DAPK2: variants seen among roughly 807,000 people sequenced by gnomAD.
DAPK2 encodes the protein death-associated protein kinase 2.
Under a neutral mutation model 44.1 loss-of-function variants are expected in DAPK2, and 35 were observed. The ratio of observed to expected loss-of-function variants is 0.79; its 90% CI spans 0.61 to 1.05. The LOEUF (loss-of-function observed/expected upper bound fraction) is 1.05, where lower values mean the gene tolerates loss of function less well. DAPK2 is among the 50% of genes least tolerant of loss of function. The probability of loss-of-function intolerance (pLI) is 0.00; values close to 1 mark genes in which losing one functional copy is unlikely to be tolerated. For missense variants in DAPK2, 453 were observed against 483.2 expected (o/e 0.94, Z 0.59); for synonymous variants, 174 against 182.6 (o/e 0.95, Z 0.38).
intron 1 of DAPK2, among the ~76,000 whole-genome samples, chr15:64,045,451 C>G (rs1486175548): frequency 1.3e-5 from 2 of 152,160 alleles, no homozygotes; most frequent in African/African-American, 4.8e-5. Flanking sequence ...GAGTGGCTGC[C>G]CTCCACAGGA....
At chr15:64,017,064 T>C (rs1315308868) in intron 1 of DAPK2, among the ~76,000 whole-genome samples, 3 of 152,136 alleles carry the variant, frequency 2.0e-5, no homozygotes, top group Admixed American at 6.5e-5. Flanking sequence ...AGATCCACAA[T>C]GTTGGGGCTG....
intron 1 of DAPK2, among the ~76,000 whole-genome samples, chr15:64,008,449 T>C (rs942778294): frequency 2.6e-5 from 4 of 152,170 alleles, no homozygotes; most frequent in Non-Finnish European, 5.9e-5. Context: ...ATTATCTGAG[T>C]CCAGGTGCAT....
intron 1 of DAPK2, among the ~76,000 whole-genome samples, chr15:63,992,794 T>C (rs1175001556): frequency 6.6e-6 from 1 of 152,196 alleles, no homozygotes. Context: ...CTTCCCACCA[T>C]CTGAGTTCCT....
intron 3 of DAPK2, among the ~76,000 whole-genome samples, chr15:63,969,771 A>G (rs1297343730): frequency 2.0e-5 from 3 of 151,914 alleles, no homozygotes; most frequent in Non-Finnish European, 4.4e-5. Flanking sequence ...CAGTGAGCCT[A>G]AGGAAGGAGG....
rs141845841 is a variant in DAPK2 at position 63,940,851 on chromosome 15, T to C, written c.454-1490A>G. 2.2e-3 allele frequency among the ~76,000 whole-genome samples: 332 copies of C among 152,264 alleles called. 10 individuals carry two copies. In the East Asian group the frequency reaches 0.051, roughly 23 times the overall value. The stretch of plus-strand genomic sequence containing the variant: ...GTCATAAAAGACAAAAAATATTCCA[T>C]TGATACAAAATACCCAGCATAGGCA... On this transcript the variant is annotated intron_variant, in intron 3 of 10. Coordinates refer to ENST00000261891, the Ensembl canonical transcript of DAPK2.
chr15:63,982,413 A>T (rs1434541227), intron 2 of DAPK2, among the ~76,000 whole-genome samples: 2 of 151,668 alleles, frequency 1.3e-5, no homozygotes, highest in East Asian at 1.9e-4. Flanking sequence ...CTGGTCTCAA[A>T]CTCCGACCTT....
At chr15:63,948,383 C>G (rs764580531) in intron 3 of DAPK2, among the ~76,000 whole-genome samples, 3 of 147,160 alleles carry the variant, frequency 2.0e-5, no homozygotes, top group Non-Finnish European at 4.5e-5. Context: ...AGCTTACACT[C>G]ATGGCAGAAG....
intron 2 of DAPK2, 145 bp from the exon 4 acceptor site, chr15:63,971,706 G>T (rs2078218605): frequency 5.8e-6 from 5 of 868,028 alleles, no homozygotes; most frequent in South Asian, 3.5e-5. Context: ...CTGGGGCTTT[G>T]TCTGTCCAGT....
At chr15:63,967,035 C>G (rs1009995638) in intron 3 of DAPK2, among the ~76,000 whole-genome samples, 2 of 151,900 alleles carry the variant, frequency 1.3e-5, no homozygotes, top group Non-Finnish European at 2.9e-5. Context: ...AAAAAATTAG[C>G]CGGGCATAGT....
intron 1 of DAPK2, among the ~76,000 whole-genome samples, chr15:64,035,218 C>T (rs1442663669): frequency 6.6e-6 from 1 of 151,696 alleles, no homozygotes; most frequent in African/African-American, 2.4e-5. Context: ...GGATAGGAAA[C>T]AAGGAATCAC....
chr15:63,991,276 T>G (rs896540785), intron 1 of DAPK2: 5 of 455,202 alleles, frequency 1.1e-5, no homozygotes, highest in Non-Finnish European at 2.2e-5. Flanking sequence ...ATGACAGGAG[T>G]GAGAAACACG....
chr15:63,919,920 T>C (rs1245221353), intron 8 of DAPK2: 1 of 152,224 alleles, frequency 6.6e-6, no homozygotes, highest in Non-Finnish European at 1.5e-5. Context: ...ATTTGCAGTG[T>C]CTCAGCACCA....
At chr15:64,021,480 G>A (rs2079680943) in intron 1 of DAPK2, among the ~76,000 whole-genome samples, 1 of 152,152 alleles carries the variant, frequency 6.6e-6, no homozygotes, top group Non-Finnish European at 1.5e-5. Flanking sequence ...AGCGCCCTTG[G>A]GGCCTCAAAG....
chr15:63,993,385 G>T (rs1392301981), intron 1 of DAPK2, among the ~76,000 whole-genome samples: 3 of 152,138 alleles, frequency 2.0e-5, no homozygotes, highest in African/African-American at 7.2e-5. Flanking sequence ...TCTGCAGAGG[G>T]CTATGTGTGT....
chr15:63,996,991 G>A (rs972337182), intron 1 of DAPK2, among the ~76,000 whole-genome samples: 3 of 152,130 alleles, frequency 2.0e-5, no homozygotes, highest in Non-Finnish European at 2.9e-5. Flanking sequence ...AGGGCTGGGT[G>A]GGGACAGAAG....
At chr15:63,995,037 T>C (rs879945046) in intron 1 of DAPK2, among the ~76,000 whole-genome samples, 25 of 152,212 alleles carry the variant, frequency 1.6e-4, no homozygotes. Flanking sequence ...TAAATGGCTG[T>C]ATAATATCAT....
At chr15:63,926,603 C>T (rs867581976) in intron 6 of DAPK2, among the ~76,000 whole-genome samples, 1 of 150,728 alleles carries the variant, frequency 6.6e-6, no homozygotes, top group African/African-American at 2.5e-5. Flanking sequence ...CCATTAGGGA[C>T]AAGAAGGGTC....
At chr15:63,952,943 C>G (rs114732390) in intron 3 of DAPK2, among the ~76,000 whole-genome samples, 21 of 151,834 alleles carry the variant, frequency 1.4e-4, no homozygotes, top group African/African-American at 4.8e-4. Context: ...CCCTTCCCCC[C>G]ACCCCTGGCC....
chr15:64,009,186 A>G (rs139140940), intron 1 of DAPK2, among the ~76,000 whole-genome samples: 1 of 152,238 alleles, frequency 6.6e-6, no homozygotes, highest in Non-Finnish European at 1.5e-5. Context: ...CACCAACTAC[A>G]GTGGATACAC....
Sources: gnomAD v4.1 joint callset for allele counts (sites outside exome capture counted in the v4.1 genomes callset) on GRCh38, gnomAD v4.1.1 for gene constraint, MANE v1.5 for transcripts, NCBI Gene and HGNC (gene_info 2026-07-23, HGNC 2026-07-21) for gene names.